Variants in EXTL3 observed in about 807,000 individuals in gnomAD.
EXTL3 encodes exostosin-like 3.
A neutral mutation model predicts 69.3 loss-of-function variants in EXTL3; 27 were observed. That is an observed-to-expected ratio of 0.39 (90% CI 0.29 to 0.54). The LOEUF (loss-of-function observed/expected upper bound fraction) is 0.54, where lower values mean the gene tolerates loss of function less well. Among genes scored for constraint, EXTL3 ranks in the 20% least tolerant of loss-of-function variants. The probability of loss-of-function intolerance (pLI) is 0.69; values close to 1 mark genes in which losing one functional copy is unlikely to be tolerated. For synonymous variants in EXTL3, 511 were observed against 499.4 expected, an observed-to-expected ratio of 1.02 and a Z score of -0.31; for missense variants, 1,003 against 1,231.8, an observed-to-expected ratio of 0.81 and a Z score of 2.78.
At chr8:28,631,678 G>A (rs1383055346) in intron 1 of EXTL3, 1 of 152,204 alleles carries the variant, frequency 6.6e-6, no homozygotes, top group Non-Finnish European at 1.5e-5. Flanking sequence ...ACAGGAGGTA[G>A]GATGATGCCA....
chr8:28,617,681 G>A (rs1806346592), intron 2 of EXTL3, among the ~76,000 whole-genome samples: 1 of 152,196 alleles, frequency 6.6e-6, no homozygotes, highest in Non-Finnish European at 1.5e-5. Flanking sequence ...CTACTTGGGA[G>A]GCTCAGGTGG....
intron 2 of EXTL3, among the ~76,000 whole-genome samples, chr8:28,715,236 C>G (rs1801116244): frequency 6.6e-6 from 1 of 152,080 alleles, no homozygotes; most frequent in Non-Finnish European, 1.5e-5. Flanking sequence ...AAGATGATGC[C>G]CAGGTGTGGA....
intron 1 of EXTL3, among the ~76,000 whole-genome samples, chr8:28,677,252 C>T (rs994309192): frequency 2.0e-5 from 3 of 151,920 alleles, no homozygotes; most frequent in South Asian, 2.1e-4. Context: ...AAACTAAAGC[C>T]GCTTTGAGGA....
At chr8:28,660,923 T>C (rs1807102621) in intron 1 of EXTL3, among the ~76,000 whole-genome samples, 1 of 148,758 alleles carries the variant, frequency 6.7e-6, no homozygotes, top group African/African-American at 2.5e-5. Flanking sequence ...CTTTTTTTTT[T>C]TTTTTTTTGA....
rs765007284 is a variant in EXTL3, at chr8:28,717,931, C to T, written c.1872C>T (p.Pro624=). The change falls in exon 3 of 7, where the codon CCC becomes CCT. Residue 624 remains proline, a synonymous_variant. Coordinates refer to ENST00000220562, the MANE Select transcript of EXTL3 (RefSeq NM_001440.4). The surrounding 1 kb of genome is among the most constrained non-coding windows in gnomAD (Gnocchi z 8.3). Reference sequence around the variant, plus strand: ...ACACTCCCTTTGACCCTGTGTTGCCCTCAGAGGCCAAATTCTTGGGCTCAG... The same window carrying T: ...ACACTCCCTTTGACCCTGTGTTGCCTTCAGAGGCCAAATTCTTGGGCTCAG... ...FPHTPFDPVL[P]SEAKFLGSGT... 1.9e-6 allele frequency: 3 copies of T among 1,614,144 alleles called. No homozygotes were observed. Among genetic ancestry groups the T allele is most frequent in the African/African-American group, 1.3e-5 (1 of 74,948 alleles).
At chr8:28,651,734 T>C (rs922070720) in intron 1 of EXTL3, among the ~76,000 whole-genome samples, 2 of 152,242 alleles carry the variant, frequency 1.3e-5, no homozygotes, top group Non-Finnish European at 2.9e-5. Flanking sequence ...TAAGCCACTT[T>C]TGTGTATAAC....
chr8:28,687,993 T>A (rs1311189611), intron 1 of EXTL3, among the ~76,000 whole-genome samples: 1 of 152,120 alleles, frequency 6.6e-6, no homozygotes. Flanking sequence ...ATGAGAGCAG[T>A]TTCAGTAAAT....
chr8:28,608,056 G>A (rs932253587), intron 2 of EXTL3, among the ~76,000 whole-genome samples: 6 of 151,344 alleles, frequency 4.0e-5, no homozygotes, highest in Non-Finnish European at 5.9e-5. Flanking sequence ...CTTGCAGTGA[G>A]CCGAGATCGT....
chr8:28,670,473 T>C (rs1807268687), intron 1 of EXTL3, among the ~76,000 whole-genome samples: 1 of 152,188 alleles, frequency 6.6e-6, no homozygotes. Flanking sequence ...CCAGAAGGGC[T>C]GGTGATGTAA....
chr8:28,637,720 A>T (rs1370469636), intron 1 of EXTL3, among the ~76,000 whole-genome samples: 1 of 151,498 alleles, frequency 6.6e-6, no homozygotes, highest in Admixed American at 6.6e-5. Context: ...ATTGATGATC[A>T]CCTCTCCTGC....
intron 1 of EXTL3, among the ~76,000 whole-genome samples, chr8:28,677,512 A>G (rs1807407231): frequency 1.3e-5 from 2 of 152,332 alleles, no homozygotes; most frequent in South Asian, 4.1e-4. Context: ...GAAAATTTCA[A>G]AAAACGTATG....
rs797008628 is a variant in EXTL3, at chr8:28,746,979, G to GT, written c.2551-3670dup. 3.5e-4 allele frequency among the ~76,000 whole-genome samples: 52 copies of GT among 146,688 alleles called. 1 individual carries two copies. Among genetic ancestry groups the GT allele is most frequent in the East Asian group, 6.0e-4 (3 of 5,038 alleles). ...GTGAGCCACCGCACCCAGCTTAAAT[G>GT]TTTTTTTTACTGATGGATTACATGA... On this transcript the variant is annotated intron_variant, in intron 6 of 6. Transcript: ENST00000220562.
At chr8:28,746,466 C>T (rs1456522907) in intron 6 of EXTL3, among the ~76,000 whole-genome samples, 1 of 152,068 alleles carries the variant, frequency 6.6e-6, no homozygotes, top group Non-Finnish European at 1.5e-5. Flanking sequence ...GGATTTTCCT[C>T]ATTGTTACTA....
intron 1 of EXTL3, among the ~76,000 whole-genome samples, chr8:28,688,979 T>C (rs1180741384): frequency 6.6e-6 from 1 of 152,244 alleles, no homozygotes; most frequent in Non-Finnish European, 1.5e-5. Context: ...TAAGTCCCCA[T>C]TCTGCATCCA....
At chr8:28,684,605 G>A (rs1354641983) in intron 1 of EXTL3, among the ~76,000 whole-genome samples, 1 of 152,024 alleles carries the variant, frequency 6.6e-6, no homozygotes, top group Admixed American at 6.6e-5. Flanking sequence ...TGCTGGGTAT[G>A]GTGGTACATG....
At chr8:28,658,210 G>T (rs928447221) in intron 1 of EXTL3, among the ~76,000 whole-genome samples, 56 of 152,172 alleles carry the variant, frequency 3.7e-4, no homozygotes, top group African/African-American at 1.2e-3. Flanking sequence ...GGGTGGGGGG[G>T]GTCCCTCAGA....
At chr8:28,670,219 A>AAAAAAAAAAAAAG (rs1563442510) in intron 1 of EXTL3, among the ~76,000 whole-genome samples, 1 of 148,190 alleles carries the variant, frequency 6.7e-6, no homozygotes, top group Non-Finnish European at 1.5e-5. Flanking sequence ...AAAAAAAAAA[A>AAAAAAAAAAAAAG]GGTTGGGGGG....
chr8:28,643,426 C>CTTTTTTTTTTTTTTTTTTT (rs138680672), intron 1 of EXTL3, among the ~76,000 whole-genome samples: 2 of 143,974 alleles, frequency 1.4e-5, no homozygotes, highest in Admixed American at 6.9e-5. Flanking sequence ...TTCTTTTTTT[C>CTTTTTTTTTTTTTTTTTTT]TTTTTTGAGA....
At chr8:28,684,043 G>A (rs1807537383) in intron 1 of EXTL3, among the ~76,000 whole-genome samples, 1 of 152,002 alleles carries the variant, frequency 6.6e-6, no homozygotes, top group Non-Finnish European at 1.5e-5. Flanking sequence ...GTCTTTTTGT[G>A]CCTGGCTAAT....
Sources: gnomAD v4.1 joint callset for allele counts (sites outside exome capture counted in the v4.1 genomes callset) on GRCh38, gnomAD v4.1.1 for gene constraint, Gnocchi (gnomAD v3.1) non-coding constraint, MANE v1.5 for transcripts, NCBI Gene and HGNC (gene_info 2026-07-23, HGNC 2026-07-21) for gene names.